FYN: variants seen among roughly 807,000 people sequenced by gnomAD.
FYN encodes FYN proto-oncogene, Src family tyrosine kinase, also known as tyrosine-protein kinase Fyn.
Under a neutral mutation model 70.2 loss-of-function variants are expected in FYN, and 10 were observed. The observed-to-expected ratio is 0.14, with a 90% confidence interval of 0.09 to 0.24. FYN has a LOEUF of 0.24. FYN is among the 10% of genes least tolerant of loss of function. FYN has a pLI of 1.00. For missense variants in FYN, 319 were observed against 673.1 expected (o/e 0.47, Z 5.82); for synonymous variants, 236 against 248.6 (o/e 0.95, Z 0.48).
chr6:111,853,307 T>C (rs958339918), intron 1 of FYN, among the ~76,000 whole-genome samples: 7 of 151,940 alleles, frequency 4.6e-5, no homozygotes, highest in Non-Finnish European at 1.5e-5. Flanking sequence ...ATTTGGAACA[T>C]AGAGATTTGG....
intron 12 of FYN, among the ~76,000 whole-genome samples, chr6:111,683,600 GT>G: frequency 6.6e-6 from 1 of 152,154 alleles, no homozygotes; most frequent in Non-Finnish European, 1.5e-5. Context: ...AATAGACACT[GT>G]TTTTCTGAAC....
At chr6:111,782,020 A>G (rs748595786) in intron 2 of FYN, among the ~76,000 whole-genome samples, 1 of 152,228 alleles carries the variant, frequency 6.6e-6, no homozygotes, top group Non-Finnish European at 1.5e-5. Context: ...TAAGGGTTAG[A>G]GACAATGATG....
At chr6:111,805,240 C>T (rs1772110911) in intron 2 of FYN, among the ~76,000 whole-genome samples, 1 of 152,170 alleles carries the variant, frequency 6.6e-6, no homozygotes, top group African/African-American at 2.4e-5. Flanking sequence ...CTTGGCATTC[C>T]CATCACTAAA....
At chr6:111,812,315 C>T (rs1230145248) in intron 2 of FYN, among the ~76,000 whole-genome samples, 4 of 152,178 alleles carry the variant, frequency 2.6e-5, no homozygotes, top group Non-Finnish European at 4.4e-5. Context: ...CAGAAATGCC[C>T]ATGGCAAAAC....
At chr6:111,731,814 C>T (rs751260015) in intron 3 of FYN, among the ~76,000 whole-genome samples, 1 of 152,178 alleles carries the variant, frequency 6.6e-6, no homozygotes, top group Non-Finnish European at 1.5e-5. Flanking sequence ...GGAGGATGGT[C>T]TCTGCCTTCC....
chr6:111,661,952 A>G lies in FYN; in HGVS notation c.1406-5T>C, dbSNP rs1429188912. 2.5e-6 allele frequency: 4 copies of G among 1,604,692 alleles called. No individual in the cohort carries two copies. Among genetic ancestry groups the G allele is most frequent in the Non-Finnish European group, 2.6e-6 (3 of 1,174,950 alleles). Reference sequence around the variant, plus strand: ...GCACCTCCCGGTTGTTCATGCCTGCAAAGACAAGCGCAGTGAGAGTGGGCA... The same window carrying G: ...GCACCTCCCGGTTGTTCATGCCTGCGAAGACAAGCGCAGTGAGAGTGGGCA... On this transcript the variant is annotated splice_polypyrimidine_tract_variant and splice_region_variant and intron_variant, in intron 13 of 13. Transcript: ENST00000354650. This position sits in a 1 kb window ranked among gnomAD's most constrained non-coding sequence, Gnocchi z 4.0.
At chr6:111,851,587 C>T (rs190701583) in intron 1 of FYN, among the ~76,000 whole-genome samples, 11 of 152,320 alleles carry the variant, frequency 7.2e-5, no homozygotes, top group African/African-American at 2.4e-4. Context: ...CATCCCTGAC[C>T]TGTGAATTAC....
At position 111,661,827 on chromosome 6, in the gene FYN, T is replaced by C. The variant is rs1797745155; in HGVS notation, c.1526A>G (p.Glu509Gly). 1 of 1,614,028 alleles carries C rather than the reference T, an allele frequency of 6.2e-7. No homozygotes were observed. Reference protein sequence around the residue: ...MIHCWKKDPEERPTFEYLQSF... With the variant: ...MIHCWKKDPEGRPTFEYLQSF... ...CTGCAAGTACTCAAAAGTGGGGCGT[T>C]CTTCAGGGTCCTTTTTCCAGCAGTG... The change falls in exon 14 of 14, where the codon GAA becomes GGA. Residue 509 changes from glutamate (E) to glycine (G), a missense_variant. Coordinates refer to ENST00000354650, the MANE Select transcript of FYN (RefSeq NM_002037.5). This position sits in a 1 kb window ranked among gnomAD's most constrained non-coding sequence, Gnocchi z 4.0.
At chr6:111,819,551 C>T (rs1052833678) in intron 2 of FYN, among the ~76,000 whole-genome samples, 5 of 152,072 alleles carry the variant, frequency 3.3e-5, no homozygotes, top group Non-Finnish European at 7.4e-5. Context: ...CTGCCTTCCC[C>T]GAGACCATGA....
intron 1 of FYN, among the ~76,000 whole-genome samples, chr6:111,865,779 A>C (rs865817563): frequency 2.0e-5 from 3 of 152,228 alleles, no homozygotes; most frequent in South Asian, 2.1e-4. Context: ...TGACATTCTG[A>C]AGTCAAACTC....
In FYN at chr6:111,708,142, A is replaced by G; in HGVS notation, c.345-122T>C. ...TCCTGCCACCCGATTTCTCCAACCT[A>G]TTCCTTTACTCTGAACTCCAACATA... On this transcript the variant is annotated intron_variant, in intron 5 of 13. Transcript: ENST00000354650. 5 of 722,064 alleles carry G rather than the reference A, an allele frequency of 6.9e-6. No homozygotes were observed. In the South Asian group the frequency reaches 8.1e-5, roughly 12 times the overall value. 44.7% of individuals were successfully genotyped at this position (722,064 alleles called of 1,614,324 possible). A position where few individuals can be genotyped will look rare whatever the true frequency, so the allele number is the denominator to read the frequency against.
chr6:111,842,800 A>T (rs962817069), intron 2 of FYN, among the ~76,000 whole-genome samples: 1 of 152,122 alleles, frequency 6.6e-6, no homozygotes, highest in Admixed American at 6.5e-5. Context: ...AATTATCCCC[A>T]CACTAAGAAT....
chr6:111,772,641 A>G (rs1448778506), intron 3 of FYN, among the ~76,000 whole-genome samples: 1 of 152,210 alleles, frequency 6.6e-6, no homozygotes, highest in Non-Finnish European at 1.5e-5. Context: ...CCTCCACTTA[A>G]TAACAAGCCT....
At chr6:111,824,804 C>T (rs150828186) in intron 2 of FYN, among the ~76,000 whole-genome samples, 1 of 152,328 alleles carries the variant, frequency 6.6e-6, no homozygotes, top group Admixed American at 6.5e-5. Context: ...CAAAGTGTTA[C>T]CAGGTAGCCA....
intron 2 of FYN, among the ~76,000 whole-genome samples, chr6:111,787,738 T>G (rs1771453686): frequency 6.6e-6 from 1 of 152,198 alleles, no homozygotes; most frequent in African/African-American, 2.4e-5. Flanking sequence ...GACAATATCC[T>G]TGTATATAAA....
chr6:111,873,084 G>C lies in FYN; in HGVS notation c.-239C>G, dbSNP rs942434265. On this transcript the variant is annotated 5_prime_UTR_variant, in exon 1 of 14. Transcript: ENST00000354650. ...GGGCCCGGGAGCCGGTGGGCCTTCC[G>C]AGAGCACCGAGGGGGCGGCGCCGGG... The C allele has an allele frequency of 6.8e-6, 1 of 147,800 alleles. No homozygotes were observed. The highest frequency in any genetic ancestry group is 2.4e-5 in the African/African-American group (1 of 40,828). The allele number at this position is 147,800 out of a possible 1,614,324, so 9.2% of individuals were successfully genotyped here. A position where few individuals can be genotyped will look rare whatever the true frequency, so the allele number is the denominator to read the frequency against.
intron 1 of FYN, among the ~76,000 whole-genome samples, chr6:111,860,275 C>T (rs1773927962): frequency 6.6e-6 from 1 of 152,184 alleles, no homozygotes; most frequent in South Asian, 2.1e-4. Flanking sequence ...TTCCATCCAT[C>T]GTTCCTTCTC....
intron 3 of FYN, among the ~76,000 whole-genome samples, chr6:111,741,662 G>T (rs564309980): frequency 3.5e-4 from 53 of 152,280 alleles, no homozygotes; most frequent in Middle Eastern, 3.4e-3. Context: ...AATTAGAAAA[G>T]ATCTTAGAGG....
rs1188571241 is a variant in FYN at position 111,714,302 on chromosome 6, C to T, written c.344+45G>A. The T allele has an allele frequency of 3.0e-6, 4 of 1,337,222 alleles. No homozygotes were observed. The South Asian group carries it at 3.5e-5, about 12-fold the overall frequency. 82.8% of individuals were successfully genotyped at this position (1,337,222 alleles called of 1,614,324 possible). Reference sequence around the variant, plus strand: ...CAGACCAGAAATGCAAGACCCCTTCCCAACCTGAAAGGTATACATGCTTCT... The same window carrying T: ...CAGACCAGAAATGCAAGACCCCTTCTCAACCTGAAAGGTATACATGCTTCT... On this transcript the variant is annotated intron_variant, in intron 5 of 13. Transcript: ENST00000354650.
Sources: allele counts gnomAD v4.1 joint callset (sites outside exome capture counted in the v4.1 genomes callset), GRCh38; gene constraint gnomAD v4.1.1; non-coding constraint Gnocchi (gnomAD v3.1); transcripts MANE v1.5; gene names NCBI Gene and HGNC (gene_info 2026-07-23, HGNC 2026-07-21).